GLI2: variants seen among roughly 807,000 people sequenced by gnomAD.
GLI2 encodes the protein GLI family zinc finger 2.
GLI2 carries 22 observed loss-of-function variants against 78.9 expected under a neutral mutation model. The observed-to-expected ratio is 0.28, with a 90% CI of 0.20 to 0.40. The LOEUF is 0.40. GLI2 is among the 10% of genes least tolerant of loss of function. The pLI is 1.00. For synonymous variants in GLI2, 974 were observed against 963.7 expected (o/e 1.01, Z -0.20); for missense variants, 2,097 against 2,213.2 (o/e 0.95, Z 1.05).
chr2:120,932,316 C>T (rs150096912), intron 3 of GLI2, among the ~76,000 whole-genome samples: 4 of 152,236 alleles, frequency 2.6e-5, no homozygotes, highest in African/African-American at 9.6e-5. Flanking sequence ...TGGGTGTGCC[C>T]GCCCCTCAGC....
intron 9 of GLI2, among the ~76,000 whole-genome samples, chr2:120,977,998 C>T (rs768597295): frequency 2.8e-4 from 42 of 152,362 alleles, no homozygotes; most frequent in Non-Finnish European, 5.7e-4. Flanking sequence ...GCACCCACTA[C>T]GGGCACGTTT....
At chr2:120,837,660 T>C (rs1004073099) in intron 2 of GLI2, among the ~76,000 whole-genome samples, 1 of 152,266 alleles carries the variant, frequency 6.6e-6, no homozygotes, top group African/African-American at 2.4e-5. Context: ...TAAATTTAGC[T>C]GAGACTGTTT....
chr2:120,804,985 G>C, intron 2 of GLI2, among the ~76,000 whole-genome samples: 1 of 152,338 alleles, frequency 6.6e-6, no homozygotes, highest in Admixed American at 6.5e-5. Flanking sequence ...GATTCGTGCA[G>C]TGGCGATGGT....
chr2:120,930,374 C>T (rs1476617562), intron 3 of GLI2, among the ~76,000 whole-genome samples: 1 of 152,234 alleles, frequency 6.6e-6, no homozygotes, highest in Non-Finnish European at 1.5e-5. Context: ...GGAACTGAAG[C>T]AGCACAGAGT....
chr2:120,951,697 T>C (rs1019247416), intron 4 of GLI2: 4 of 450,078 alleles, frequency 8.9e-6, no homozygotes, highest in African/African-American at 7.9e-5. Context: ...TAAGGGTCTA[T>C]CCAGGTAGGT....
chr2:120,762,049 G>A (rs1018010027), intron 1 of GLI2, among the ~76,000 whole-genome samples: 4 of 152,234 alleles, frequency 2.6e-5, no homozygotes, highest in African/African-American at 7.2e-5. Flanking sequence ...ATGCACCCAC[G>A]GAGCCGGGCA....
chr2:120,865,164 G>A (rs181200785), intron 2 of GLI2, among the ~76,000 whole-genome samples: 1 of 152,240 alleles, frequency 6.6e-6, no homozygotes, highest in Non-Finnish European at 1.5e-5. Context: ...AACGTGGCTC[G>A]AGTGTCTGAG....
chr2:120,952,556 C>G (rs189963517), intron 4 of GLI2, among the ~76,000 whole-genome samples: 4 of 152,232 alleles, frequency 2.6e-5, no homozygotes, highest in Admixed American at 1.3e-4. Context: ...GACTCATCTT[C>G]CTGGCACGGA....
intron 1 of GLI2, among the ~76,000 whole-genome samples, chr2:120,755,431 AT>A (rs887920717): frequency 1.4e-3 from 209 of 149,616 alleles, no homozygotes; most frequent in African/African-American, 4.6e-3. Flanking sequence ...CTTTTGCTCA[AT>A]TTTTTTTTTA....
At chr2:120,775,502 G>A (rs951040281) in intron 1 of GLI2, among the ~76,000 whole-genome samples, 4 of 152,268 alleles carry the variant, frequency 2.6e-5, no homozygotes, top group African/African-American at 7.2e-5. Context: ...GCCCTTCCTG[G>A]CGTTTGAAAG....
At chr2:120,754,238 C>T (rs559095049) in intron 1 of GLI2, among the ~76,000 whole-genome samples, 14 of 152,300 alleles carry the variant, frequency 9.2e-5, no homozygotes, top group Admixed American at 9.2e-4. Context: ...ATATCCACAT[C>T]AACAGGGAGT....
chr2:120,871,893 A>G lies in GLI2; in HGVS notation c.149-55468A>G, dbSNP rs574880333. Among the ~76,000 whole-genome samples, 9 of 152,274 alleles carry G rather than the reference A, an allele frequency of 5.9e-5. No homozygotes were observed. The South Asian group carries it at 1.5e-3, about 25-fold the overall frequency. The stretch of plus-strand genomic sequence containing the variant: ...GCCGGGCCCATTTATTATGTTTCTC[A>G]ACTCCCACAGCAAGCCTACCAGTTC... On this transcript the variant is annotated intron_variant, in intron 2 of 13. Transcript: ENST00000361492.
chr2:120,846,479 G>T (rs1315829232), intron 2 of GLI2, among the ~76,000 whole-genome samples: 2 of 152,322 alleles, frequency 1.3e-5, no homozygotes, highest in East Asian at 3.9e-4. Context: ...TTGGTAATTT[G>T]GTGTGGGCTG....
chr2:120,791,782 T>C (rs1277635046), intron 1 of GLI2, among the ~76,000 whole-genome samples: 1 of 152,040 alleles, frequency 6.6e-6, no homozygotes, highest in East Asian at 1.9e-4. Context: ...TGTGTGACTT[T>C]ATATATGTGT....
intron 1 of GLI2, among the ~76,000 whole-genome samples, chr2:120,751,868 A>C (rs1682883257): frequency 6.6e-6 from 1 of 152,218 alleles, no homozygotes; most frequent in Non-Finnish European, 1.5e-5. Flanking sequence ...CAAAGGTGAG[A>C]TCATGTTTAA....
At chr2:120,844,465 GT>G (rs2104588680) in intron 2 of GLI2, among the ~76,000 whole-genome samples, 1 of 152,250 alleles carries the variant, frequency 6.6e-6, no homozygotes, top group South Asian at 2.1e-4. Context: ...GAGGGTCTCC[GT>G]CCCTTCCTGT....
intron 2 of GLI2, among the ~76,000 whole-genome samples, chr2:120,872,408 C>T (rs1039072676): frequency 3.3e-5 from 5 of 152,180 alleles, no homozygotes; most frequent in East Asian, 1.9e-4. Flanking sequence ...CCTGTCCTTT[C>T]GCCACCTGCC....
At chr2:120,945,688 C>A (rs547810243) in intron 3 of GLI2, among the ~76,000 whole-genome samples, 1 of 152,164 alleles carries the variant, frequency 6.6e-6, no homozygotes, top group African/African-American at 2.4e-5. Flanking sequence ...TGGGCTCTCC[C>A]CTGCATGGCC....
intron 2 of GLI2, among the ~76,000 whole-genome samples, chr2:120,805,334 C>A (rs1210489419): frequency 6.6e-6 from 1 of 152,250 alleles, no homozygotes; most frequent in African/African-American, 2.4e-5. Flanking sequence ...ACCTTGTTTT[C>A]TGGCTGGTTC....
Sources: allele counts gnomAD v4.1 joint callset (sites outside exome capture counted in the v4.1 genomes callset), GRCh38; gene constraint gnomAD v4.1.1; transcripts MANE v1.5; gene names NCBI Gene and HGNC (gene_info 2026-07-23, HGNC 2026-07-21).